The following ABCA12 variants were observed in gnomAD, a reference collection of about 807,000 sequenced individuals.
ABCA12 encodes glucosylceramide transporter ABCA12.
ABCA12 carries 156 observed loss-of-function variants against 293.5 expected under a neutral mutation model. The ratio of observed to expected loss-of-function variants is 0.53; its 90% confidence interval spans 0.47 to 0.61. The LOEUF (loss-of-function observed/expected upper bound fraction) is 0.61, where lower values mean the gene tolerates loss of function less well. ABCA12 is among the 20% of genes least tolerant of loss of function. The pLI is 0.00. For synonymous variants in ABCA12, 1,063 were observed against 1,108.0 expected (o/e 0.96, Z 0.81); for missense variants, 2,797 against 3,090.2 (o/e 0.91, Z 2.25).
intron 22 of ABCA12, among the ~76,000 whole-genome samples, 178 bp from the exon 23 acceptor site, chr2:214,997,987 G>C (rs4673926): frequency 6.6e-6 from 1 of 152,122 alleles, no homozygotes; most frequent in Non-Finnish European, 1.5e-5. Context: ...TTAACCATAG[G>C]TCTGTGATTT....
intron 2 of ABCA12, among the ~76,000 whole-genome samples, chr2:215,100,608 A>G (rs1214542698): frequency 6.6e-6 from 1 of 152,116 alleles, no homozygotes; most frequent in Non-Finnish European, 1.5e-5. Flanking sequence ...CTTTAATTAT[A>G]TTTAATTTTT....
At chr2:215,040,998 C>T (rs979854186) in intron 7 of ABCA12, among the ~76,000 whole-genome samples, 5 of 151,782 alleles carry the variant, frequency 3.3e-5, no homozygotes, top group African/African-American at 1.2e-4. Flanking sequence ...CAAATCCAGC[C>T]CTAAGGCCTG....
rs780377235 is a variant in ABCA12, at chr2:214,937,512, T to G, written c.7540A>C (p.Lys2514Gln). The change falls in exon 51 of 53, where the codon AAA (lysine) becomes CAA (glutamine). Residue 2514 changes from lysine to glutamine, a missense_variant and splice_region_variant. Transcript: ENST00000272895. ...TGCACCCAGCCATCATCACTTACTT[T>G]TAAGTATGTTTTTGGAAAGTGCAGC... ...MQLHFPKTYLKDQHLSMLEYH... is the reference protein window; with the variant it reads ...MQLHFPKTYLQDQHLSMLEYH... The G allele has an allele frequency of 1.2e-6, 2 of 1,612,234 alleles. No homozygotes were observed. The highest frequency in any genetic ancestry group is 1.3e-5 in the African/African-American group (1 of 74,868).
rs539511843 is a variant in ABCA12 at position 215,068,626 on chromosome 2, C to A, written c.164-4407G>T. On this transcript the variant is annotated intron_variant, in intron 2 of 52. Transcript: ENST00000272895. ...CTCATTGCATCTAATCGACTTAATT[C>A]TTTTTCCTCTACTTCTTAATGTTTT... Among the ~76,000 whole-genome samples the A allele has an allele frequency of 1.4e-4, 22 of 152,160 alleles. No homozygotes were observed. The East Asian group carries it at 3.5e-3, about 24-fold the overall frequency.
intron 2 of ABCA12, among the ~76,000 whole-genome samples, chr2:215,066,692 T>G (rs1420225099): frequency 6.6e-6 from 1 of 152,104 alleles, no homozygotes; most frequent in Non-Finnish European, 1.5e-5. Context: ...CACAGTTTTT[T>G]GATAATGGAT....
rs572494384 is a variant in ABCA12, at chr2:214,948,608, C to A, written c.7092G>T (p.Lys2364Asn). The part of the protein sequence containing the change: ...FYARVHGIPE[K>N]DIKETVHKLL... Reference sequence around the variant, plus strand: ...CACTTGTACTCACTTCTTTAATATCCTTTTCTGGAATTCCATGTACCCTGG... The same window carrying A: ...CACTTGTACTCACTTCTTTAATATCATTTTCTGGAATTCCATGTACCCTGG... Residue 2364 changes from lysine (K) to asparagine (N), a missense_variant, in exon 47 of 53, where the codon AAG (lysine) becomes AAT (asparagine). By Grantham distance (94) the Lys-to-Asn change is moderately conservative. Transcript: ENST00000272895. 3 of 1,613,926 alleles carry A rather than the reference C, an allele frequency of 1.9e-6. No homozygotes were observed. Among genetic ancestry groups the A allele is most frequent in the African/African-American group, 1.3e-5 (1 of 74,978 alleles).
intron 11 of ABCA12, chr2:215,022,763 G>T (rs967923239): frequency 6.6e-6 from 1 of 151,922 alleles, no homozygotes; most frequent in East Asian, 1.9e-4. Flanking sequence ...ATAGCAATGG[G>T]CATAAAATGA....
At chr2:215,110,265 C>G (rs1326139817) in intron 2 of ABCA12, among the ~76,000 whole-genome samples, 1 of 152,200 alleles carries the variant, frequency 6.6e-6, no homozygotes, top group Admixed American at 6.5e-5. Context: ...AATCCCAGCA[C>G]TTTGGGAGGC....
intron 1 of ABCA12, among the ~76,000 whole-genome samples, chr2:215,123,190 T>C (rs1489221970): frequency 6.6e-6 from 1 of 152,150 alleles, no homozygotes; most frequent in Non-Finnish European, 1.5e-5. Context: ...TGTCTCTTTT[T>C]TAAGATGGAG....
intron 14 of ABCA12, 197 bp downstream of exon 14, chr2:215,017,811 G>A: frequency 1.5e-6 from 1 of 652,776 alleles, no homozygotes; most frequent in Non-Finnish European, 2.6e-6. Flanking sequence ...AAGAGAAAAG[G>A]GACACATAGT....
At chr2:215,045,702 A>G in intron 7 of ABCA12, 135 bp downstream of exon 7, 3 of 804,826 alleles carry the variant, frequency 3.7e-6, no homozygotes, top group East Asian at 2.7e-5. Context: ...CACTGCTAAA[A>G]TCTGCAATAA....
At chr2:215,033,906 A>T (rs185744124) in intron 8 of ABCA12, among the ~76,000 whole-genome samples, 1 of 152,098 alleles carries the variant, frequency 6.6e-6, no homozygotes, top group Non-Finnish European at 1.5e-5. Flanking sequence ...ATGCCACTGC[A>T]CTCCAACCTG....
intron 1 of ABCA12, among the ~76,000 whole-genome samples, chr2:215,125,622 G>T (rs1201773922): frequency 6.6e-6 from 1 of 151,968 alleles, no homozygotes; most frequent in African/African-American, 2.4e-5. Context: ...GTAGAGAAGA[G>T]CTACTGATTT....
intron 2 of ABCA12, among the ~76,000 whole-genome samples, chr2:215,083,479 A>G (rs551457944): frequency 6.6e-6 from 1 of 152,296 alleles, no homozygotes; most frequent in African/African-American, 2.4e-5. Context: ...GTTTTAGAGC[A>G]TTGATTGCAT....
chr2:214,973,897 G>T, intron 36 of ABCA12, 52 bp downstream of exon 36: 1 of 1,459,454 alleles, frequency 6.9e-7, no homozygotes, highest in Non-Finnish European at 9.6e-7. Flanking sequence ...TCGAGCTTTC[G>T]ATATTTATTC....
chr2:215,117,083 T>A (rs1239972601), intron 1 of ABCA12, among the ~76,000 whole-genome samples: 1 of 152,224 alleles, frequency 6.6e-6, no homozygotes, highest in Non-Finnish European at 1.5e-5. Flanking sequence ...CTGGGGGTAA[T>A]GGAGCACCAA....
intron 2 of ABCA12, among the ~76,000 whole-genome samples, chr2:215,096,914 A>G (rs1702259868): frequency 6.6e-6 from 1 of 152,138 alleles, no homozygotes; most frequent in Non-Finnish European, 1.5e-5. Flanking sequence ...ATTTCCCAGT[A>G]GAATCTAATG....
At chr2:214,963,034 C>T (rs1315024312) in intron 39 of ABCA12, 2 of 151,612 alleles carry the variant, frequency 1.3e-5, no homozygotes, top group Non-Finnish European at 2.9e-5. Context: ...GCAAATAAAC[C>T]CCAAAGCTAG....
intron 23 of ABCA12, among the ~76,000 whole-genome samples, chr2:214,994,758 A>G (rs554823333): frequency 2.6e-5 from 4 of 152,204 alleles, no homozygotes; most frequent in Non-Finnish European, 5.9e-5. Flanking sequence ...GCACAAAAAA[A>G]TTGTTTAATG....
Sources: allele counts gnomAD v4.1 joint callset (sites outside exome capture counted in the v4.1 genomes callset), GRCh38; gene constraint gnomAD v4.1.1; transcripts MANE v1.5; gene names NCBI Gene and HGNC (gene_info 2026-07-23, HGNC 2026-07-21).